The following ART4 variants were observed in gnomAD, a reference collection of about 807,000 sequenced individuals.
The protein encoded by ART4 is ecto-ADP-ribosyltransferase 4.
In ART4, 14 loss-of-function variants were observed where a neutral mutation model predicts 24.2. The observed-to-expected ratio is 0.58, with a 90% CI of 0.38 to 0.90. The LOEUF (loss-of-function observed/expected upper bound fraction) is 0.90. Ranked by LOEUF, ART4 falls within the 40% of genes least tolerant of loss-of-function variation. ART4 has a pLI of 0.00. For missense variants in ART4, 356 were observed against 366.6 expected (o/e 0.97, Z 0.24); for synonymous variants, 145 against 139.9 (o/e 1.04, Z -0.26).
At chr12:14,842,550 G>A (rs1197338344) in intron 1 of ART4, among the ~76,000 whole-genome samples, 2 of 152,082 alleles carry the variant, frequency 1.3e-5, no homozygotes, top group African/African-American at 4.8e-5. Flanking sequence ...TATGTTACTA[G>A]ATCTCAAATA....
chr12:14,842,266 T>A (rs1423185091), intron 1 of ART4, among the ~76,000 whole-genome samples: 1 of 152,190 alleles, frequency 6.6e-6, no homozygotes, highest in African/African-American at 2.4e-5. Flanking sequence ...TGTTAAAGGA[T>A]CACATTCCAT....
Position 14,827,124 on chromosome 12 carries a change from A to G in ART4, c.*2247T>C, listed in dbSNP as rs114154959. 3.8e-4 allele frequency: 58 copies of G among 151,938 alleles called. No homozygotes were observed. Among genetic ancestry groups the G allele is most frequent in the African/African-American group, 1.4e-3 (56 of 41,420 alleles). The allele number at this position is 151,938 out of a possible 1,614,324, so 9.4% of individuals were successfully genotyped here. ...CTTAATTTCTCCTAAGAGATTGTAAACTCATGAGAGATCTGGCCTAGTGTT... is the reference window on the plus strand; with the variant it reads ...CTTAATTTCTCCTAAGAGATTGTAAGCTCATGAGAGATCTGGCCTAGTGTT... On this transcript the variant is annotated 3_prime_UTR_variant, in exon 3 of 3. Coordinates refer to ENST00000228936, the MANE Select transcript of ART4 (RefSeq NM_021071.4).
At chr12:14,829,668 A>T (rs1360291980) in intron 2 of ART4, among the ~76,000 whole-genome samples, 6 of 152,220 alleles carry the variant, frequency 3.9e-5, no homozygotes, top group Admixed American at 3.9e-4. Context: ...AGGTTAAAAG[A>T]TGTACTCCCA....
intron 2 of ART4, among the ~76,000 whole-genome samples, chr12:14,834,024 A>G (rs1386809135): frequency 1.3e-5 from 2 of 152,198 alleles, no homozygotes; most frequent in Non-Finnish European, 2.9e-5. Context: ...AGAGTTTCTC[A>G]GTTGTGTTTG....
intron 2 of ART4, among the ~76,000 whole-genome samples, chr12:14,835,253 A>G (rs945184160): frequency 1.8e-4 from 28 of 152,372 alleles, no homozygotes; most frequent in African/African-American, 6.5e-4. Flanking sequence ...GTTAGATATC[A>G]GTGTTCCAGA....
At chr12:14,834,347 G>A (rs1318042347) in intron 2 of ART4, among the ~76,000 whole-genome samples, 1 of 151,980 alleles carries the variant, frequency 6.6e-6, no homozygotes, top group Non-Finnish European at 1.5e-5. Context: ...AAAGAAAACA[G>A]GCAAAATAGA....
intron 2 of ART4, among the ~76,000 whole-genome samples, chr12:14,833,885 G>A (rs1950412069): frequency 6.6e-6 from 1 of 152,096 alleles, no homozygotes; most frequent in African/African-American, 2.4e-5. Context: ...CAAAAACTTA[G>A]CACCCGAAAA....
chr12:14,834,250 A>T (rs896018179), intron 2 of ART4, among the ~76,000 whole-genome samples: 8 of 152,290 alleles, frequency 5.3e-5, no homozygotes, highest in Middle Eastern at 3.4e-3. Context: ...TCTTTCATCC[A>T]TTTATCTGAG....
intron 2 of ART4, among the ~76,000 whole-genome samples, chr12:14,837,612 C>A (rs1950439472): frequency 6.6e-6 from 1 of 152,138 alleles, no homozygotes. Flanking sequence ...CTCCTGGATT[C>A]AAGCGATTCT....
chr12:14,841,561 C>T (rs1863052961), intron 1 of ART4, among the ~76,000 whole-genome samples: 1 of 152,110 alleles, frequency 6.6e-6, no homozygotes, highest in Non-Finnish European at 1.5e-5. Flanking sequence ...TATGAATGCC[C>T]AAAACCAAAT....
At chr12:14,830,681 A>G (rs1181203129) in intron 2 of ART4, among the ~76,000 whole-genome samples, 10 of 113,264 alleles carry the variant, frequency 8.8e-5, no homozygotes, top group Non-Finnish European at 1.1e-4. Context: ...ATATATATAT[A>G]TATATATATA....
chr12:14,843,168 A>G lies in ART4; in HGVS notation c.-55T>C, dbSNP rs906369551. On this transcript the variant is annotated 5_prime_UTR_variant, in exon 1 of 3. Coordinates refer to ENST00000228936, the MANE Select transcript of ART4 (RefSeq NM_021071.4). ...CCCTTGCAGCTTCATCCTGAGATGA[A>G]TTCTCAGAGTTCTCCTTTGAGGTTT... The G allele has an allele frequency of 4.4e-6, 7 of 1,603,768 alleles. No homozygotes were observed. The highest frequency in any genetic ancestry group is 2.7e-5 in the African/African-American group (2 of 74,694).
rs761290035 is a variant in ART4, at chr12:14,840,936, A to G, written c.362T>C (p.Val121Ala). 9.9e-6 allele frequency: 16 copies of G among 1,614,130 alleles called. No homozygotes were observed. The highest frequency in any genetic ancestry group is 1.4e-5 in the Non-Finnish European group (16 of 1,180,054). The change falls in exon 2 of 3, where the codon GTG becomes GCG. Residue 121 changes from valine to alanine, a missense_variant. By Grantham distance (64) the Val-to-Ala change is moderately conservative. Transcript: ENST00000228936. ...LPQNMTTTHA[V>A]AILFYTLNSN... ...GTTCAATGTATAAAACAAAATAGCC[A>G]CAGCGTGTGTGGTAGTCATGTTCTG...
At chr12:14,830,461 G>A (rs146673652) in intron 2 of ART4, among the ~76,000 whole-genome samples, 1,720 of 149,364 alleles carry the variant, frequency 0.012, 31 homozygotes, top group African/African-American at 0.04. Flanking sequence ...AGGATAACCA[G>A]ATGAGGGAGA....
At chr12:14,836,211 T>G (rs1369731027) in intron 2 of ART4, among the ~76,000 whole-genome samples, 1 of 152,072 alleles carries the variant, frequency 6.6e-6, no homozygotes, top group Non-Finnish European at 1.5e-5. Flanking sequence ...CAGCATACAA[T>G]TTTTTCTTTC....
At chr12:14,829,845 C>G (rs1371218865) in intron 2 of ART4, among the ~76,000 whole-genome samples, 1 of 152,112 alleles carries the variant, frequency 6.6e-6, no homozygotes, top group Non-Finnish European at 1.5e-5. Context: ...TATTTCGAGC[C>G]CTTGCTATAT....
chr12:14,842,387 A>G lies in ART4; in HGVS notation c.144+583T>C, dbSNP rs1863064566. ...GCTAGTTGTTTGTGAACTAGAACAC[A>G]TTTTTAAGACTGATTAAATGATTTT... On this transcript the variant is annotated intron_variant, in intron 1 of 2. Transcript: ENST00000228936. Among the ~76,000 whole-genome samples the G allele has an allele frequency of 4.6e-5, 7 of 152,208 alleles. No homozygotes were observed. In the South Asian group the frequency reaches 1.4e-3, roughly 32 times the overall value.
At chr12:14,835,309 G>C (rs1950422323) in intron 2 of ART4, among the ~76,000 whole-genome samples, 1 of 152,200 alleles carries the variant, frequency 6.6e-6, no homozygotes, top group South Asian at 2.1e-4. Context: ...GAGCAGTGAA[G>C]TGGGAAATGG....
At chr12:14,831,831 CCTG>C (rs1950397727) in intron 2 of ART4, among the ~76,000 whole-genome samples, 1 of 152,032 alleles carries the variant, frequency 6.6e-6, no homozygotes, top group Non-Finnish European at 1.5e-5. Context: ...ATACCAAACT[CCTG>C]CTCTTAAATC....
Sources: gnomAD v4.1 joint callset for allele counts (sites outside exome capture counted in the v4.1 genomes callset) on GRCh38, gnomAD v4.1.1 for gene constraint, MANE v1.5 for transcripts, NCBI Gene and HGNC (gene_info 2026-07-23, HGNC 2026-07-21) for gene names.